The following NIPBL variants were observed in gnomAD, a reference collection of about 807,000 sequenced individuals.
NIPBL encodes nipped-B-like protein.
A neutral mutation model predicts 321.8 loss-of-function variants in NIPBL; 19 were observed. The observed-to-expected ratio is 0.06, with a 90% CI of 0.04 to 0.09. The LOEUF is 0.09. Among genes scored for constraint, NIPBL ranks in the 10% least tolerant of loss-of-function variants. NIPBL has a pLI of 1.00. For synonymous variants in NIPBL, 1,106 were observed against 1,114.1 expected (o/e 0.99, Z 0.14); for missense variants, 2,210 against 3,327.0 (o/e 0.66, Z 8.26).
chr5:36,968,742 G>GA (rs1742522043), intron 6 of NIPBL, among the ~76,000 whole-genome samples: 1 of 152,062 alleles, frequency 6.6e-6, no homozygotes, highest in African/African-American at 2.4e-5. Context: ...CCTAGTGGTA[G>GA]AAAAAATTAG....
intron 44 of NIPBL, among the ~76,000 whole-genome samples, chr5:37,059,856 A>G (rs551288967): frequency 6.6e-5 from 10 of 152,350 alleles, no homozygotes; most frequent in Admixed American, 5.2e-4. Flanking sequence ...CTATAAAGTA[A>G]GAGAGAGAAA....
At position 36,971,935 on chromosome 5, in the gene NIPBL, C is replaced by T. The variant is rs780581205; in HGVS notation, c.772-10C>T. On this transcript the variant is annotated splice_polypyrimidine_tract_variant and intron_variant, in intron 7 of 46. Transcript: ENST00000282516. ...TCATTCAAAAGATAAATTGTATACT[C>T]TATTTTTAGGATGGAGATTCTTCAA... The T allele has an allele frequency of 6.2e-7, 1 of 1,608,156 alleles. No homozygotes were observed. The highest frequency in any genetic ancestry group is 1.7e-5 in the Admixed American group (1 of 59,938).
intron 1 of NIPBL, among the ~76,000 whole-genome samples, chr5:36,953,362 C>A (rs1214301655): frequency 6.6e-6 from 1 of 152,172 alleles, no homozygotes; most frequent in Non-Finnish European, 1.5e-5. Context: ...ACTTTAAACT[C>A]ACTGTAAATT....
At chr5:36,958,336 G>A in intron 4 of NIPBL, 105 bp downstream of exon 4, 2 of 1,098,856 alleles carry the variant, frequency 1.8e-6, no homozygotes, top group Non-Finnish European at 2.7e-6. Flanking sequence ...CGATGTTTAT[G>A]CCTTCAGTCA....
intron 1 of NIPBL, among the ~76,000 whole-genome samples, chr5:36,883,519 A>G (rs1460963237): frequency 2.0e-5 from 3 of 149,916 alleles, no homozygotes; most frequent in African/African-American, 7.5e-5. Context: ...AAAAAATACT[A>G]TTCTAGATAC....
intron 1 of NIPBL, among the ~76,000 whole-genome samples, chr5:36,925,455 G>A (rs1437311932): frequency 1.3e-5 from 2 of 151,610 alleles, no homozygotes; most frequent in Non-Finnish European, 2.9e-5. Flanking sequence ...TAGTAGAGAC[G>A]GGGTTTCACC....
At chr5:36,964,249 A>G (rs1468696755) in intron 6 of NIPBL, among the ~76,000 whole-genome samples, 2 of 152,110 alleles carry the variant, frequency 1.3e-5, no homozygotes, top group Admixed American at 1.3e-4. Flanking sequence ...TCACATAAAC[A>G]GAAAAAATTT....
intron 42 of NIPBL, among the ~76,000 whole-genome samples, chr5:37,053,993 C>T (rs988587767): frequency 1.3e-4 from 20 of 152,062 alleles, no homozygotes; most frequent in East Asian, 5.8e-4. Flanking sequence ...GTCAGGAGTT[C>T]GAGACCAGCC....
intron 9 of NIPBL, among the ~76,000 whole-genome samples, chr5:36,980,646 T>C (rs1744034782): frequency 6.6e-6 from 1 of 151,658 alleles, no homozygotes; most frequent in Non-Finnish European, 1.5e-5. Flanking sequence ...CTATACCATA[T>C]AGCCTAGGTA....
At chr5:36,980,691 A>G (rs970308521) in intron 9 of NIPBL, among the ~76,000 whole-genome samples, 4 of 151,652 alleles carry the variant, frequency 2.6e-5, no homozygotes, top group African/African-American at 9.7e-5. Context: ...TTATGTGAAT[A>G]TACTATATGA....
At chr5:36,958,022 A>G in intron 3 of NIPBL, 82 bp from the exon 4 acceptor site, 2 of 1,319,188 alleles carry the variant, frequency 1.5e-6, no homozygotes, top group Non-Finnish European at 2.2e-6. Context: ...TGGCCATACC[A>G]GTGTGATTTA....
chr5:37,061,106 CT>C, intron 45 of NIPBL, 88 bp downstream of exon 45: 3 of 909,766 alleles, frequency 3.3e-6, no homozygotes, highest in Non-Finnish European at 5.4e-6. Flanking sequence ...TAACTATCTC[CT>C]TCACATTGAA....
intron 1 of NIPBL, among the ~76,000 whole-genome samples, chr5:36,894,352 A>G (rs1746569857): frequency 1.3e-5 from 2 of 152,166 alleles, no homozygotes; most frequent in South Asian, 4.1e-4. Context: ...AACTCTATTT[A>G]TATGAGAAGT....
chr5:36,959,285 A>G (rs1279693608), intron 4 of NIPBL, among the ~76,000 whole-genome samples: 2 of 152,230 alleles, frequency 1.3e-5, no homozygotes, highest in Non-Finnish European at 2.9e-5. Context: ...CAGCACTTCC[A>G]TGATGCTTCC....
chr5:37,042,349 C>T (rs1268458327), intron 34 of NIPBL, among the ~76,000 whole-genome samples: 1 of 151,970 alleles, frequency 6.6e-6, no homozygotes, highest in Non-Finnish European at 1.5e-5. Flanking sequence ...GCAGGAGAAT[C>T]GCTTGAACCT....
intron 1 of NIPBL, among the ~76,000 whole-genome samples, chr5:36,882,126 A>G (rs989655687): frequency 7.2e-5 from 11 of 151,950 alleles, no homozygotes; most frequent in African/African-American, 2.7e-4. Context: ...AGTACATACA[A>G]CCTTATAGGA....
intron 6 of NIPBL, among the ~76,000 whole-genome samples, chr5:36,966,943 C>T (rs887002836): frequency 3.3e-5 from 5 of 151,130 alleles, no homozygotes; most frequent in African/African-American, 1.2e-4. Context: ...CCGAAAACCT[C>T]GATTGTAGAA....
At chr5:37,062,703 T>G (rs1288159300) in intron 45 of NIPBL, among the ~76,000 whole-genome samples, 1 of 152,190 alleles carries the variant, frequency 6.6e-6, no homozygotes, top group African/African-American at 2.4e-5. Context: ...GAGGTTTGCT[T>G]GAGTCCAGGA....
At chr5:36,880,289 A>T (rs1745405589) in intron 1 of NIPBL, among the ~76,000 whole-genome samples, 2 of 152,186 alleles carry the variant, frequency 1.3e-5, no homozygotes, top group South Asian at 4.1e-4. Context: ...ACATGTTTGA[A>T]ATACCCCATT....
Sources: gnomAD v4.1 joint callset for allele counts (sites outside exome capture counted in the v4.1 genomes callset) on GRCh38, gnomAD v4.1.1 for gene constraint, MANE v1.5 for transcripts, NCBI Gene and HGNC (gene_info 2026-07-23, HGNC 2026-07-21) for gene names.